The following SGCD variants were observed in gnomAD, a reference collection of about 807,000 sequenced individuals.
The protein encoded by SGCD is delta-sarcoglycan.
SGCD carries 18 observed loss-of-function variants against 36.6 expected under a neutral mutation model. The observed-to-expected ratio is 0.49, with a 90% confidence interval of 0.34 to 0.73. The LOEUF (loss-of-function observed/expected upper bound fraction) is 0.73. SGCD is among the 30% of genes least tolerant of loss of function. The pLI is 0.01. For missense variants in SGCD, 387 were observed against 346.7 expected, an observed-to-expected ratio of 1.12 and a Z score of -0.92; for synonymous variants, 133 against 130.6, an observed-to-expected ratio of 1.02 and a Z score of -0.12.
At chr5:156,703,888 G>A (rs543744228) in intron 7 of SGCD, among the ~76,000 whole-genome samples, 90 of 152,254 alleles carry the variant, frequency 5.9e-4, no homozygotes, top group African/African-American at 2.1e-3. Context: ...GTGTAATGTT[G>A]TGGTACCCTA....
chr5:155,903,907 A>C (rs1756446023), intron 1 of SGCD, among the ~76,000 whole-genome samples: 1 of 152,168 alleles, frequency 6.6e-6, no homozygotes, highest in Non-Finnish European at 1.5e-5. Flanking sequence ...TGGGGAGGAC[A>C]AACTCCTCAG....
chr5:156,247,608 T>A (rs1236626045), intron 3 of SGCD, among the ~76,000 whole-genome samples: 1 of 152,174 alleles, frequency 6.6e-6, no homozygotes, highest in Non-Finnish European at 1.5e-5. Flanking sequence ...CAGGATCAGC[T>A]GTTATAGAGA....
rs1263396599 is a variant in SGCD, at chr5:156,759,685, G to C, written c.*295G>C. The C allele has an allele frequency of 6.6e-6, 1 of 152,616 alleles. No homozygotes were observed. The highest frequency in any genetic ancestry group is 2.4e-5 in the African/African-American group (1 of 41,406). The allele number at this position is 152,616 out of a possible 1,614,324, so 9.5% of individuals were successfully genotyped here. A position where few individuals can be genotyped will look rare whatever the true frequency, so the allele number is the denominator to read the frequency against. On this transcript the variant is annotated 3_prime_UTR_variant, in exon 9 of 9. Transcript: ENST00000337851. ...TCCATCCCATCCCCACCACCTGAGT[G>C]ACAGAAATCTAAACACACATCCGTC...
chr5:156,244,588 G>T (rs1386375488), intron 3 of SGCD, among the ~76,000 whole-genome samples: 1 of 152,084 alleles, frequency 6.6e-6, no homozygotes, highest in Non-Finnish European at 1.5e-5. Context: ...GTTTTTTAAA[G>T]TTATTTGTTC....
the SGCD span, among the ~76,000 whole-genome samples, chr5:155,768,292 GT>G: frequency 6.7e-5 from 10 of 149,606 alleles, no homozygotes; most frequent in Admixed American, 3.3e-4. Context: ...TGTTGTTTTA[GT>G]TTTTTTTTTC....
rs577955597 is a variant in SGCD at position 156,529,389 on chromosome 5, C to G, written c.294+20687C>G. 1.8e-4 allele frequency among the ~76,000 whole-genome samples: 26 copies of G among 140,946 alleles called. 1 individual carries two copies. In the South Asian group the frequency reaches 5.9e-3, roughly 32 times the overall value. The allele number at this position is 140,946 out of a possible 152,430, so 92.5% of individuals were successfully genotyped here. On this transcript the variant is annotated intron_variant, in intron 4 of 8. Transcript: ENST00000337851. Reference sequence around the variant, plus strand: ...GCAGTGAGCTGAGATTGGGCCATTGCACTCCAGCCTGACAACAGGGTGTGA... The same window carrying G: ...GCAGTGAGCTGAGATTGGGCCATTGGACTCCAGCCTGACAACAGGGTGTGA...
At chr5:155,906,977 G>A (rs1043846344) in intron 1 of SGCD, among the ~76,000 whole-genome samples, 9 of 152,088 alleles carry the variant, frequency 5.9e-5, no homozygotes, top group African/African-American at 1.7e-4. Context: ...ATAAATGCCT[G>A]GTTTTAAAGC....
intron 7 of SGCD, among the ~76,000 whole-genome samples, chr5:156,756,183 C>A (rs1018264812): frequency 6.6e-6 from 1 of 152,206 alleles, no homozygotes; most frequent in Non-Finnish European, 1.5e-5. Context: ...TTGCTGAGGT[C>A]TCCGTTCCTA....
intron 4 of SGCD, among the ~76,000 whole-genome samples, chr5:156,582,947 A>G (rs1198323337): frequency 6.6e-6 from 1 of 152,182 alleles, no homozygotes; most frequent in African/African-American, 2.4e-5. Context: ...TATTACCTTT[A>G]AGTTAACAAT....
intron 3 of SGCD, among the ~76,000 whole-genome samples, chr5:156,284,168 G>T (rs1766530639): frequency 6.6e-6 from 1 of 152,126 alleles, no homozygotes; most frequent in Non-Finnish European, 1.5e-5. Flanking sequence ...CTCTGAAATT[G>T]AGGCAATAAT....
intron 1 of SGCD, among the ~76,000 whole-genome samples, chr5:156,026,391 T>C (rs866047672): frequency 7.2e-5 from 11 of 152,148 alleles, no homozygotes; most frequent in Admixed American, 4.6e-4. Flanking sequence ...TAAAATCCTA[T>C]AACAAAGAGC....
At chr5:155,776,784 TA>T in the SGCD span, among the ~76,000 whole-genome samples, 1 of 152,154 alleles carries the variant, frequency 6.6e-6, no homozygotes, top group African/African-American at 2.4e-5. Flanking sequence ...GAGACAAAAC[TA>T]ACAGATATTC....
At chr5:155,804,497 A>C in the SGCD span, among the ~76,000 whole-genome samples, 2 of 152,132 alleles carry the variant, frequency 1.3e-5, no homozygotes, top group Non-Finnish European at 2.9e-5. Flanking sequence ...ATGCTGTATG[A>C]TTGTATCCAC....
the SGCD span, among the ~76,000 whole-genome samples, chr5:155,830,834 C>T: frequency 1.4e-4 from 22 of 152,322 alleles, no homozygotes; most frequent in African/African-American, 5.3e-4. Context: ...CCATTTTCCA[C>T]TGGTATTATT....
intron 3 of SGCD, among the ~76,000 whole-genome samples, chr5:156,357,815 A>G (rs890023425): frequency 6.6e-6 from 1 of 152,204 alleles, no homozygotes; most frequent in Non-Finnish European, 1.5e-5. Context: ...TTTAATTACC[A>G]GCCAGCTTTA....
At chr5:156,739,683 A>G (rs902285995) in intron 7 of SGCD, 3 of 152,204 alleles carry the variant, frequency 2.0e-5, no homozygotes, top group African/African-American at 7.2e-5. Context: ...CATATGTTAC[A>G]GGAAGATATT....
chr5:156,291,812 AT>A (rs1199770766), intron 3 of SGCD, among the ~76,000 whole-genome samples: 2 of 152,130 alleles, frequency 1.3e-5, no homozygotes, highest in African/African-American at 4.8e-5. Flanking sequence ...ATATGTATAC[AT>A]TGTGGAGCTA....
chr5:156,135,914 G>A (rs1762445591), intron 3 of SGCD, among the ~76,000 whole-genome samples: 1 of 152,070 alleles, frequency 6.6e-6, no homozygotes, highest in Non-Finnish European at 1.5e-5. Flanking sequence ...GACTGGTGTT[G>A]CCTTATCTAC....
intron 1 of SGCD, among the ~76,000 whole-genome samples, chr5:155,917,786 T>C (rs552056327): frequency 2.4e-4 from 36 of 152,196 alleles, no homozygotes; most frequent in African/African-American, 8.7e-4. Flanking sequence ...AAATCTTCTG[T>C]TCCCAGAGAA....
Sources: allele counts gnomAD v4.1 joint callset (sites outside exome capture counted in the v4.1 genomes callset), GRCh38; gene constraint gnomAD v4.1.1; transcripts MANE v1.5; gene names NCBI Gene and HGNC (gene_info 2026-07-23, HGNC 2026-07-21).